KLRG1: variants seen among roughly 807,000 people sequenced by gnomAD.
KLRG1 encodes the protein killer cell lectin like receptor G1, also known as killer cell lectin-like receptor subfamily G member 1.
Under a neutral mutation model 21.8 loss-of-function variants are expected in KLRG1, and 16 were observed. The observed-to-expected ratio is 0.73, with a 90% CI of 0.50 to 1.11. KLRG1 has a LOEUF of 1.11. KLRG1 is among the 50% of genes most tolerant of loss of function. The pLI is 0.00. For synonymous variants in KLRG1, 69 were observed against 75.9 expected (o/e 0.91, Z 0.47); for missense variants, 173 against 218.3 (o/e 0.79, Z 1.31).
At chr12:9,117,622 T>G in the KLRG1 span, among the ~76,000 whole-genome samples, 1 of 151,922 alleles carries the variant, frequency 6.6e-6, no homozygotes, top group South Asian at 2.1e-4. Context: ...GGGCTGAGGG[T>G]TGGGAAGATG....
chr12:9,114,685 G>A, the KLRG1 span, among the ~76,000 whole-genome samples: 4 of 151,048 alleles, frequency 2.6e-5, no homozygotes, highest in African/African-American at 4.9e-5. Flanking sequence ...ATACATATAC[G>A]TATGTATACT....
the KLRG1 span, among the ~76,000 whole-genome samples, chr12:9,123,831 C>G: frequency 7.2e-6 from 1 of 139,092 alleles, no homozygotes; most frequent in Non-Finnish European, 1.5e-5. Context: ...TTCCTCTATG[C>G]CTAATTCAAT....
At chr12:8,995,932 T>G (rs953582874) in intron 3 of KLRG1, among the ~76,000 whole-genome samples, 1 of 152,142 alleles carries the variant, frequency 6.6e-6, no homozygotes, top group Admixed American at 6.5e-5. Context: ...TCTGCCCGCC[T>G]CGGCCTCCCA....
At chr12:9,156,091 C>A in the KLRG1 span, 1 of 232,722 alleles carries the variant, frequency 4.3e-6, no homozygotes, top group South Asian at 7.3e-5. Context: ...TTCTGCAGCT[C>A]CTGTTATAAA....
chr12:9,063,131 A>C, the KLRG1 span, among the ~76,000 whole-genome samples: 1 of 152,172 alleles, frequency 6.6e-6, no homozygotes, highest in Admixed American at 6.5e-5. Flanking sequence ...TGGCCTCCTA[A>C]AGCATTGGGA....
chr12:8,951,079 T>C (rs1457808736), intron 1 of KLRG1, among the ~76,000 whole-genome samples: 1 of 152,180 alleles, frequency 6.6e-6, no homozygotes, highest in Admixed American at 6.5e-5. Flanking sequence ...TGAAAGTAAT[T>C]TGTGATCAGA....
At chr12:9,111,164 C>CA in the KLRG1 span, among the ~76,000 whole-genome samples, 1 of 152,050 alleles carries the variant, frequency 6.6e-6, no homozygotes, top group Admixed American at 6.6e-5. Flanking sequence ...AATGTTTATT[C>CA]ATTTTTAAAA....
intron 1 of KLRG1, among the ~76,000 whole-genome samples, chr12:8,957,533 G>T (rs773402064): frequency 7.9e-5 from 12 of 151,452 alleles, no homozygotes; most frequent in Non-Finnish European, 1.6e-4. Context: ...GTTTTGTTTT[G>T]TTTTTTTGTT....
intron 1 of KLRG1, chr12:8,990,310 A>G (rs1946930723): frequency 6.6e-6 from 1 of 152,128 alleles, no homozygotes; most frequent in Non-Finnish European, 1.5e-5. Flanking sequence ...CCATTTTTAC[A>G]TAGAGCCCTG....
the KLRG1 span, among the ~76,000 whole-genome samples, chr12:9,111,708 AC>A: frequency 6.6e-6 from 1 of 152,216 alleles, no homozygotes. Context: ...TGTCTGCATT[AC>A]AATAGAAAGA....
the KLRG1 span, among the ~76,000 whole-genome samples, chr12:9,211,381 C>T: frequency 6.6e-6 from 1 of 151,928 alleles, no homozygotes; most frequent in African/African-American, 2.4e-5. Context: ...ACTGTGTTTG[C>T]TGTTGAAGCT....
At chr12:9,116,052 T>C in the KLRG1 span, 1 of 594,136 alleles carries the variant, frequency 1.7e-6, no homozygotes, top group South Asian at 1.7e-5. Flanking sequence ...CTATTTATAG[T>C]CAAGGTTAAT....
At chr12:9,074,570 G>T in the KLRG1 span, 1 of 1,610,450 alleles carries the variant, frequency 6.2e-7, no homozygotes, top group Non-Finnish European at 8.5e-7. Context: ...CTGGGTGGAG[G>T]AGAAACCGCC....
chr12:9,112,174 G>A, the KLRG1 span: 5 of 1,613,726 alleles, frequency 3.1e-6, no homozygotes, highest in Non-Finnish European at 4.2e-6. Context: ...CATTCAGGGG[G>A]TGAAAGTTTT....
the KLRG1 span, chr12:9,197,123 T>C: frequency 3.5e-5 from 56 of 1,590,110 alleles, no homozygotes; most frequent in Non-Finnish European, 4.7e-5. Flanking sequence ...CATAAGTGTA[T>C]CTGGTACATG....
the KLRG1 span, chr12:9,168,726 C>G: frequency 1.5e-6 from 1 of 666,720 alleles, no homozygotes; most frequent in East Asian, 2.7e-5. Context: ...AGCTAAGTCA[C>G]CTCAGCAAGA....
chr12:9,207,760 G>C, the KLRG1 span, among the ~76,000 whole-genome samples: 2 of 152,324 alleles, frequency 1.3e-5, no homozygotes, highest in Admixed American at 1.3e-4. Context: ...AGGTGGAAAA[G>C]AAGTCTTACA....
chr12:9,186,133 C>A, the KLRG1 span, among the ~76,000 whole-genome samples: 33 of 152,132 alleles, frequency 2.2e-4, no homozygotes, highest in African/African-American at 7.7e-4. Flanking sequence ...TAAATTCCAA[C>A]CAAGAATTTC....
the KLRG1 span, among the ~76,000 whole-genome samples, chr12:9,044,441 G>T: frequency 6.6e-6 from 1 of 152,102 alleles, no homozygotes. Flanking sequence ...GAGACAGGTG[G>T]ATCACTTGAG....
Sources: gnomAD v4.1 joint callset for allele counts (sites outside exome capture counted in the v4.1 genomes callset) on GRCh38, gnomAD v4.1.1 for gene constraint, MANE v1.5 for transcripts, NCBI Gene and HGNC (gene_info 2026-07-23, HGNC 2026-07-21) for gene names.